CNTLN: variants seen among roughly 807,000 people sequenced by gnomAD.
CNTLN encodes centlein, also known as centlein, centrosomal protein.
A neutral mutation model predicts 180.0 loss-of-function variants in CNTLN; 212 were observed. The ratio of observed to expected loss-of-function variants is 1.18; its 90% CI spans 1.05 to 1.32. CNTLN has a LOEUF of 1.32. Among genes scored for constraint, CNTLN ranks in the 40% most tolerant of loss-of-function variants. CNTLN has a pLI of 0.00. For missense variants in CNTLN, 2,095 were observed against 1,610.9 expected, an observed-to-expected ratio of 1.30 and a Z score of -5.14; for synonymous variants, 722 against 563.1, an observed-to-expected ratio of 1.28 and a Z score of -3.99.
chr9:17,159,077 G>C (rs1245769111), intron 2 of CNTLN, among the ~76,000 whole-genome samples: 2 of 152,082 alleles, frequency 1.3e-5, no homozygotes, highest in South Asian at 2.1e-4. Flanking sequence ...TCTTTGACCT[G>C]TTGCTTATTT....
At chr9:17,487,878 A>T (rs1177330471) in intron 25 of CNTLN, among the ~76,000 whole-genome samples, 1 of 152,138 alleles carries the variant, frequency 6.6e-6, no homozygotes, top group Non-Finnish European at 1.5e-5. Flanking sequence ...AGTCATAGCC[A>T]GCTTTTGTTT....
intron 5 of CNTLN, among the ~76,000 whole-genome samples, chr9:17,258,523 T>G (rs868511293): frequency 6.6e-6 from 1 of 151,266 alleles, no homozygotes; most frequent in Non-Finnish European, 1.5e-5. Flanking sequence ...AGAAAGTCAT[T>G]GGTAGATTTA....
Position 17,409,456 on chromosome 9 carries a change from G to T in CNTLN, c.2779G>T (p.Asp927Tyr). The change falls in exon 16 of 26, where the codon GAT becomes TAT. Residue 927 changes from aspartate (D) to tyrosine (Y), a missense_variant. Physicochemically the swap from Asp to Tyr is radical, Grantham distance 160. Transcript: ENST00000380647. The part of the protein sequence containing the change: ...KEIVQTYLNI[D>Y]GKTPKDYFHD... ...AATAGTACAGACATATTTAAATATA[G>T]ATGGCAAGACCCCAAAGGTAAATGA... 6.2e-7 allele frequency: 1 copy of T among 1,600,580 alleles called. No individual in the cohort carries two copies. Among genetic ancestry groups the T allele is most frequent in the Middle Eastern group, 1.7e-4 (1 of 5,988 alleles).
chr9:17,164,283 G>A (rs942924504), intron 2 of CNTLN, among the ~76,000 whole-genome samples: 1 of 137,876 alleles, frequency 7.3e-6, no homozygotes, highest in Non-Finnish European at 1.5e-5. Context: ...CTGCACTCCA[G>A]CCTGGGCAGC....
At chr9:17,462,256 G>A (rs1049008498) in intron 19 of CNTLN, among the ~76,000 whole-genome samples, 3 of 151,656 alleles carry the variant, frequency 2.0e-5, no homozygotes, top group African/African-American at 7.3e-5. Flanking sequence ...ATACAAAATA[G>A]CCTCACTCAT....
chr9:17,399,123 T>C (rs906128127), intron 15 of CNTLN, among the ~76,000 whole-genome samples: 17 of 152,344 alleles, frequency 1.1e-4, no homozygotes, highest in Middle Eastern at 3.4e-3. Context: ...ATCACTTCTT[T>C]AAATAGTTGT....
At chr9:17,299,444 A>T in intron 7 of CNTLN, 1 of 976,664 alleles carries the variant, frequency 1.0e-6, no homozygotes, top group Non-Finnish European at 1.2e-6. Context: ...TTTACTTCTG[A>T]TCTTACTTTT....
At chr9:17,280,538 C>G (rs934137844) in intron 6 of CNTLN, among the ~76,000 whole-genome samples, 2 of 152,090 alleles carry the variant, frequency 1.3e-5, no homozygotes, top group Non-Finnish European at 2.9e-5. Context: ...TTGGGAGATT[C>G]ACTTCCAGTA....
intron 2 of CNTLN, among the ~76,000 whole-genome samples, chr9:17,161,253 T>C (rs1362681825): frequency 2.0e-5 from 3 of 152,114 alleles, no homozygotes; most frequent in Non-Finnish European, 4.4e-5. Context: ...GATATGTAGA[T>C]ATTTAAGTTT....
intron 1 of CNTLN, among the ~76,000 whole-genome samples, chr9:17,141,960 T>C (rs1335767583): frequency 6.6e-6 from 1 of 151,690 alleles, no homozygotes; most frequent in Non-Finnish European, 1.5e-5. Context: ...TGCGTGCCTG[T>C]AGTTCCAGCT....
intron 15 of CNTLN, among the ~76,000 whole-genome samples, chr9:17,405,478 G>T (rs948213033): frequency 1.3e-5 from 2 of 151,768 alleles, no homozygotes; most frequent in Non-Finnish European, 1.5e-5. Flanking sequence ...CAAGGAGCCT[G>T]ATAGAGCAAG....
At chr9:17,334,562 G>A (rs1165009147) in intron 10 of CNTLN, among the ~76,000 whole-genome samples, 1 of 152,130 alleles carries the variant, frequency 6.6e-6, no homozygotes. Flanking sequence ...AAGATCTGTA[G>A]TCGCTCAGGG....
At chr9:17,412,799 A>G (rs538741039) in intron 16 of CNTLN, among the ~76,000 whole-genome samples, 21 of 152,202 alleles carry the variant, frequency 1.4e-4, no homozygotes, top group Non-Finnish European at 2.4e-4. Context: ...AGGCATCTGT[A>G]TATGACACGT....
chr9:17,259,316 G>A (rs1317056548), intron 5 of CNTLN, among the ~76,000 whole-genome samples: 5 of 139,930 alleles, frequency 3.6e-5, no homozygotes, highest in South Asian at 2.7e-4. Flanking sequence ...TGCATCCCAG[G>A]GATGAAGCCC....
At chr9:17,366,791 T>C in intron 13 of CNTLN, 74 bp downstream of exon 13, 1 of 848,578 alleles carries the variant, frequency 1.2e-6, no homozygotes, top group Non-Finnish European at 1.9e-6. Flanking sequence ...TAGTTTCAAT[T>C]TCTTTTAAGA....
At chr9:17,451,444 A>G (rs1350023061) in intron 18 of CNTLN, among the ~76,000 whole-genome samples, 1 of 152,238 alleles carries the variant, frequency 6.6e-6, no homozygotes, top group Admixed American at 6.5e-5. Flanking sequence ...AGAATTTAAG[A>G]TGAGAGATTT....
intron 2 of CNTLN, among the ~76,000 whole-genome samples, chr9:17,178,403 C>T (rs1030424983): frequency 6.6e-6 from 1 of 152,234 alleles, no homozygotes; most frequent in Non-Finnish European, 1.5e-5. Context: ...GTCCCGTGCC[C>T]TGTGCCCGCA....
rs1268773326 is a variant in CNTLN, at chr9:17,236,457, A to T, written c.718A>T (p.Ile240Leu). 1.2e-6 allele frequency: 2 copies of T among 1,613,626 alleles called. No homozygotes were observed. The highest frequency in any genetic ancestry group is 2.7e-5 in the African/African-American group (2 of 74,904). ...QNKEEQNRLV[I>L]KNLEEENKKL... ...CAAAGAAGAGCAAAACAGACTAGTT[A>T]TAAAAAATCTGGAGGAGGAAAACAA... Residue 240 changes from isoleucine to leucine, a missense_variant, in exon 5 of 26, where the codon ATA becomes TTA. Ile to Leu is a conservative substitution (Grantham distance 5, BLOSUM62 2). Transcript: ENST00000380647.
chr9:17,430,020 C>G (rs1055300858), intron 18 of CNTLN, among the ~76,000 whole-genome samples: 1 of 151,986 alleles, frequency 6.6e-6, no homozygotes, highest in Non-Finnish European at 1.5e-5. Context: ...ACTTTGAACA[C>G]ATTTTCTGAA....
Sources: gnomAD v4.1 joint callset for allele counts (sites outside exome capture counted in the v4.1 genomes callset) on GRCh38, gnomAD v4.1.1 for gene constraint, MANE v1.5 for transcripts, NCBI Gene and HGNC (gene_info 2026-07-23, HGNC 2026-07-21) for gene names.